MACF1: variants seen among roughly 807,000 people sequenced by gnomAD.
MACF1 encodes the protein microtubule-actin cross-linking factor 1.
In MACF1, 193 loss-of-function variants were observed where a neutral mutation model predicts 854.8. That is an observed-to-expected ratio of 0.23 (90% CI 0.20 to 0.25). MACF1 has a LOEUF of 0.25. MACF1 is among the 10% of genes least tolerant of loss of function. MACF1 has a pLI of 1.00. For missense variants in MACF1, 7,722 were observed against 8,929.1 expected (o/e 0.86, Z 5.45); for synonymous variants, 3,185 against 3,226.7 (o/e 0.99, Z 0.44).
At chr1:39,412,609 G>A in intron 58 of MACF1, 1 of 1,614,044 alleles carries the variant, frequency 6.2e-7, no homozygotes, top group Non-Finnish European at 8.5e-7. Flanking sequence ...AACTGTGAAT[G>A]ATACAAAGCC....
intron 97 of MACF1, 60 bp downstream of exon 97, chr1:39,469,675 T>C (rs1644739811): frequency 1.5e-6 from 2 of 1,295,086 alleles, no homozygotes; most frequent in Non-Finnish European, 2.2e-6. Flanking sequence ...ATGGCTTTGC[T>C]TCTTAAACTG....
chr1:39,180,894 C>CT (rs1644096646), intron 2 of MACF1, among the ~76,000 whole-genome samples: 2 of 152,022 alleles, frequency 1.3e-5, no homozygotes, highest in South Asian at 4.2e-4. Context: ...AAAAGACACT[C>CT]TGTTACTTTT....
chr1:39,122,512 C>G (rs933953145), intron 2 of MACF1, among the ~76,000 whole-genome samples: 1 of 152,110 alleles, frequency 6.6e-6, no homozygotes, highest in Admixed American at 6.6e-5. Flanking sequence ...CTCAGCCTCC[C>G]AAAGTGCTGG....
intron 26 of MACF1, among the ~76,000 whole-genome samples, chr1:39,313,937 A>T (rs1277148220): frequency 5.3e-5 from 8 of 152,160 alleles, no homozygotes; most frequent in Admixed American, 5.2e-4. Flanking sequence ...TTTTGACAAA[A>T]TAAGATCTTC....
rs752458808 is a variant in MACF1, at chr1:39,459,117, C to A, written c.21228C>A (p.Pro7076=). The part of the protein sequence containing the change: ...RKSLSQPTPP[P]MPILSQSEAK... ...CCCTAAGTCAGCCAACCCCTCCTCC[C>A]ATGCCAATCCTTTCACAGTCTGAAG... Residue 7076 remains proline, a synonymous_variant, in exon 91 of 101, where the codon CCC becomes CCA. Coordinates refer to ENST00000564288, the MANE Select transcript of MACF1 (RefSeq NM_001394062.1). The A allele has an allele frequency of 6.2e-7, 1 of 1,613,860 alleles. No homozygotes were observed. The highest frequency in any genetic ancestry group is 1.1e-5 in the South Asian group (1 of 91,010).
Position 39,205,000 on chromosome 1 carries a change from G to T in MACF1, c.-23G>T. On this transcript the variant is annotated 5_prime_UTR_variant, in exon 1 of 101. Transcript: ENST00000564288. Reference sequence around the variant, plus strand: ...CGCTGAGCTTGTGGCTAACTCAAGGGAGGAGAAAGGACGGGCCTGGAAATG... The same window carrying T: ...CGCTGAGCTTGTGGCTAACTCAAGGTAGGAGAAAGGACGGGCCTGGAAATG... 2 of 702,898 alleles carry T rather than the reference G, an allele frequency of 2.8e-6. No individual in the cohort carries two copies. The highest frequency in any genetic ancestry group is 3.0e-5 in the South Asian group (2 of 67,580). 43.5% of individuals were successfully genotyped at this position (702,898 alleles called of 1,614,324 possible).
intron 2 of MACF1, among the ~76,000 whole-genome samples, chr1:39,141,177 C>T (rs1280319630): frequency 5.3e-5 from 8 of 152,112 alleles, no homozygotes; most frequent in Non-Finnish European, 1.2e-4. Context: ...TTAAATTCCT[C>T]CTGAATGCCT....
chr1:39,103,964 C>T (rs1212357311), intron 2 of MACF1, among the ~76,000 whole-genome samples: 2 of 152,240 alleles, frequency 1.3e-5, no homozygotes, highest in Non-Finnish European at 2.9e-5. Context: ...CTTGGCACTA[C>T]TCACAAGGTA....
intron 40 of MACF1, among the ~76,000 whole-genome samples, chr1:39,345,017 C>G (rs1647014426): frequency 6.6e-6 from 1 of 152,160 alleles, no homozygotes; most frequent in Non-Finnish European, 1.5e-5. Flanking sequence ...CTGCTCATAT[C>G]TGCCTAACTA....
chr1:39,401,954 G>A (rs371904844), intron 58 of MACF1, among the ~76,000 whole-genome samples: 3 of 152,192 alleles, frequency 2.0e-5, no homozygotes, highest in East Asian at 1.9e-4. Context: ...GCTCACGCCC[G>A]TAATCCCAGC....
chr1:39,193,270 A>G (rs1644278770), intron 2 of MACF1, among the ~76,000 whole-genome samples: 1 of 152,012 alleles, frequency 6.6e-6, no homozygotes, highest in African/African-American at 2.4e-5. Flanking sequence ...AAAGCTTACT[A>G]GATAGATATT....
rs1419870467 is a variant in MACF1 at position 39,285,587 on chromosome 1, C to T, written c.1354-17C>T. On this transcript the variant is annotated splice_polypyrimidine_tract_variant and intron_variant, in intron 13 of 100. Transcript: ENST00000564288. ...CAATGGAAGTTTTCCCACTGTTATT[C>T]TCTCTTCCTGTCTCAGGATGCTGCT... The T allele has an allele frequency of 6.2e-7, 1 of 1,609,226 alleles. No individual in the cohort carries two copies. Among genetic ancestry groups the T allele is most frequent in the African/African-American group, 1.3e-5 (1 of 74,222 alleles).
chr1:39,457,520 TG>T (rs1644465063), intron 89 of MACF1: 1 of 152,364 alleles, frequency 6.6e-6, no homozygotes, highest in Non-Finnish European at 1.5e-5. Flanking sequence ...CTGTAAAGCA[TG>T]GGTCTGATCA....
chr1:39,155,720 A>G (rs1643668921), intron 2 of MACF1, among the ~76,000 whole-genome samples: 1 of 152,092 alleles, frequency 6.6e-6, no homozygotes, highest in Admixed American at 6.5e-5. Flanking sequence ...AAGACTTAGT[A>G]TTTTATTTAT....
intron 1 of MACF1, among the ~76,000 whole-genome samples, chr1:39,209,336 G>T (rs1056530946): frequency 1.3e-5 from 2 of 152,208 alleles, no homozygotes; most frequent in African/African-American, 4.8e-5. Context: ...GTTTGGTTGA[G>T]TTTAATGTGT....
intron 3 of MACF1, among the ~76,000 whole-genome samples, chr1:39,250,979 A>C (rs914843581): frequency 6.6e-6 from 1 of 152,222 alleles, no homozygotes; most frequent in Non-Finnish European, 1.5e-5. Context: ...ATATCTGTGG[A>C]GAAATAGAGA....
At chr1:39,144,107 G>A (rs575643579) in intron 2 of MACF1, among the ~76,000 whole-genome samples, 3 of 138,560 alleles carry the variant, frequency 2.2e-5, no homozygotes, top group African/African-American at 8.0e-5. Context: ...TTGAGACGGA[G>A]TCTTGCTCTG....
intron 4 of MACF1, among the ~76,000 whole-genome samples, chr1:39,253,588 A>T (rs1417861868): frequency 5.9e-5 from 8 of 134,632 alleles, no homozygotes; most frequent in African/African-American, 2.2e-4. Context: ...ATCTTGGCTC[A>T]CTGCAACTTC....
At chr1:39,383,828 G>C (rs1250754633) in intron 56 of MACF1, among the ~76,000 whole-genome samples, 1 of 151,662 alleles carries the variant, frequency 6.6e-6, no homozygotes, top group African/African-American at 2.4e-5. Context: ...AGTGAGCCGA[G>C]ATCGCACCAC....
Sources: gnomAD v4.1 joint callset for allele counts (sites outside exome capture counted in the v4.1 genomes callset) on GRCh38, gnomAD v4.1.1 for gene constraint, MANE v1.5 for transcripts, NCBI Gene and HGNC (gene_info 2026-07-23, HGNC 2026-07-21) for gene names.